The following WWOX variants were observed in gnomAD, a reference collection of about 807,000 sequenced individuals.
The protein encoded by WWOX is WW domain containing oxidoreductase.
In WWOX, 69 loss-of-function variants were observed where a neutral mutation model predicts 46.2. That is an observed-to-expected ratio of 1.49 (90% CI 1.23 to 1.82). The LOEUF (loss-of-function observed/expected upper bound fraction) is 1.82. WWOX is among the 40% of genes most tolerant of loss of function. WWOX has a pLI of 0.00. For missense variants in WWOX, 919 were observed against 542.6 expected (o/e 1.69, Z -6.89); for synonymous variants, 359 against 202.6 (o/e 1.77, Z -6.56).
At chr16:78,392,860 C>T (rs893595122) in intron 6 of WWOX, among the ~76,000 whole-genome samples, 1 of 152,134 alleles carries the variant, frequency 6.6e-6, no homozygotes, top group East Asian at 1.9e-4. Context: ...TCTGTTTACT[C>T]ACTCCCATTT....
chr16:78,447,842 C>T (rs1026308773), intron 8 of WWOX, among the ~76,000 whole-genome samples: 5 of 152,230 alleles, frequency 3.3e-5, no homozygotes, highest in African/African-American at 1.2e-4. Flanking sequence ...CTCCTTGTGT[C>T]ATCCAGGCTG....
chr16:78,485,851 C>T (rs915968519), intron 8 of WWOX, among the ~76,000 whole-genome samples: 3 of 152,206 alleles, frequency 2.0e-5, no homozygotes, highest in Non-Finnish European at 1.5e-5. Context: ...TTTTGCGAGC[C>T]TTATTCAGAA....
At chr16:79,036,243 A>T (rs557490196) in intron 8 of WWOX, among the ~76,000 whole-genome samples, 2 of 152,152 alleles carry the variant, frequency 1.3e-5, no homozygotes, top group African/African-American at 4.8e-5. Context: ...TCTGTCAACC[A>T]TGCCATGGGG....
At chr16:78,120,606 G>C (rs1297009004) in intron 4 of WWOX, among the ~76,000 whole-genome samples, 2 of 152,058 alleles carry the variant, frequency 1.3e-5, no homozygotes, top group African/African-American at 4.8e-5. Context: ...TTCATGCAGG[G>C]AATCCCAAAA....
At chr16:78,612,292 A>G (rs2045919505) in intron 8 of WWOX, among the ~76,000 whole-genome samples, 1 of 152,148 alleles carries the variant, frequency 6.6e-6, no homozygotes, top group South Asian at 2.1e-4. Flanking sequence ...TTGGATGTTG[A>G]TTTCTAAAGG....
chr16:78,938,592 C>G (rs939424787), intron 8 of WWOX, among the ~76,000 whole-genome samples: 17 of 152,080 alleles, frequency 1.1e-4, no homozygotes, highest in African/African-American at 3.9e-4. Context: ...AGAGTCGTCT[C>G]TGGGCATTTT....
chr16:79,105,242 C>G lies in WWOX; in HGVS notation c.1057-106366C>G, dbSNP rs184152364. ...ACAGCAGTCTGCTATTGTTTTGAAT[C>G]ATTCAAAGGAATTTTTTTATTTTGA... On this transcript the variant is annotated intron_variant, in intron 8 of 8. Transcript: ENST00000566780. 5.9e-5 allele frequency among the ~76,000 whole-genome samples: 9 copies of G among 152,258 alleles called. No individual in the cohort carries two copies. In the East Asian group the frequency reaches 1.7e-3, roughly 29 times the overall value.
intron 1 of WWOX, among the ~76,000 whole-genome samples, chr16:78,106,092 G>A (rs375895184): frequency 2.0e-4 from 30 of 152,140 alleles, no homozygotes; most frequent in African/African-American, 7.2e-4. Flanking sequence ...GTGAGCCACC[G>A]TACCCCGCCA....
chr16:78,653,328 A>G (rs2047006918), intron 8 of WWOX, among the ~76,000 whole-genome samples: 1 of 152,164 alleles, frequency 6.6e-6, no homozygotes, highest in Admixed American at 6.5e-5. Flanking sequence ...ACTCAGGCTT[A>G]TTTTACTATT....
chr16:78,208,124 C>T (rs1009680511), intron 5 of WWOX, among the ~76,000 whole-genome samples: 4 of 152,186 alleles, frequency 2.6e-5, no homozygotes, highest in Non-Finnish European at 4.4e-5. Flanking sequence ...CAGCAGTGCT[C>T]TTCTGGCTAG....
intron 8 of WWOX, among the ~76,000 whole-genome samples, chr16:78,748,981 C>G (rs1486321098): frequency 6.6e-6 from 1 of 152,214 alleles, no homozygotes; most frequent in Non-Finnish European, 1.5e-5. Context: ...TTGAACCTGA[C>G]CAAATCAACG....
At chr16:78,858,429 G>C (rs906596386) in intron 8 of WWOX, among the ~76,000 whole-genome samples, 11 of 151,308 alleles carry the variant, frequency 7.3e-5, no homozygotes, top group Non-Finnish European at 1.5e-4. Context: ...ATTTTGAGTT[G>C]GAAAAAGCAA....
At chr16:79,053,663 A>G (rs2048210761) in intron 8 of WWOX, among the ~76,000 whole-genome samples, 1 of 152,172 alleles carries the variant, frequency 6.6e-6, no homozygotes, top group Non-Finnish European at 1.5e-5. Context: ...CAACTTTACA[A>G]ATTGGTTTAG....
At chr16:78,860,718 C>T (rs913265854) in intron 8 of WWOX, among the ~76,000 whole-genome samples, 5 of 152,204 alleles carry the variant, frequency 3.3e-5, no homozygotes, top group Admixed American at 2.6e-4. Flanking sequence ...CGCTTTAGTG[C>T]TCTGCTGCAC....
At chr16:78,627,398 G>A (rs779703586) in intron 8 of WWOX, among the ~76,000 whole-genome samples, 29 of 152,298 alleles carry the variant, frequency 1.9e-4, no homozygotes, top group Middle Eastern at 3.4e-3. Flanking sequence ...AGTTTTACCT[G>A]TGTCCTCTCT....
chr16:78,990,030 A>G (rs1332980775), intron 8 of WWOX, among the ~76,000 whole-genome samples: 3 of 151,880 alleles, frequency 2.0e-5, no homozygotes, highest in Non-Finnish European at 4.4e-5. Flanking sequence ...CAAAAAATAC[A>G]AAAATTAGCT....
At chr16:78,405,242 G>C (rs904794744) in intron 6 of WWOX, among the ~76,000 whole-genome samples, 1 of 152,142 alleles carries the variant, frequency 6.6e-6, no homozygotes. Context: ...AATTCCTGGT[G>C]GTCTCCAGGG....
chr16:79,198,193 C>G (rs777503825), intron 8 of WWOX, among the ~76,000 whole-genome samples: 5 of 151,788 alleles, frequency 3.3e-5, no homozygotes, highest in African/African-American at 1.2e-4. Context: ...CAAAAATTAG[C>G]TGGGCATGGT....
At chr16:78,786,218 T>C (rs1415920524) in intron 8 of WWOX, among the ~76,000 whole-genome samples, 1 of 152,124 alleles carries the variant, frequency 6.6e-6, no homozygotes, top group Non-Finnish European at 1.5e-5. Flanking sequence ...CCTGAATTAA[T>C]ATTTTCTACC....
Sources: gnomAD v4.1 joint callset for allele counts (sites outside exome capture counted in the v4.1 genomes callset) on GRCh38, gnomAD v4.1.1 for gene constraint, MANE v1.5 for transcripts, NCBI Gene and HGNC (gene_info 2026-07-23, HGNC 2026-07-21) for gene names.